MSH3: variants seen among roughly 807,000 people sequenced by gnomAD.
The protein encoded by MSH3 is DNA mismatch repair protein Msh3.
Under a neutral mutation model 123.3 loss-of-function variants are expected in MSH3, and 106 were observed. The ratio of observed to expected loss-of-function variants is 0.86; its 90% CI spans 0.73 to 1.01. The LOEUF (loss-of-function observed/expected upper bound fraction) is 1.01, where lower values mean the gene tolerates loss of function less well. Ranked by LOEUF, MSH3 falls within the 50% of genes least tolerant of loss-of-function variation. The probability of loss-of-function intolerance (pLI) is 0.00; values close to 1 mark genes in which losing one functional copy is unlikely to be tolerated. For missense variants in MSH3, 1,459 were observed against 1,347.6 expected (o/e 1.08, Z -1.29); for synonymous variants, 515 against 481.4 (o/e 1.07, Z -0.91).
Position 80,740,396 on chromosome 5 carries a change from C to T in MSH3, c.1569-1068C>T, listed in dbSNP as rs1377407679. 2.0e-5 allele frequency among the ~76,000 whole-genome samples: 3 copies of T among 147,630 alleles called. No individual in the cohort carries two copies. In the South Asian group the frequency reaches 6.3e-4, roughly 31 times the overall value. ...TTTTGGAGACGGAGTCACACTCTGT[C>T]ACCCGGGCTGGAGTGCAGTGGCACA... On this transcript the variant is annotated intron_variant, in intron 10 of 23. Coordinates refer to ENST00000265081, the MANE Select transcript of MSH3 (RefSeq NM_002439.5).
chr5:80,674,987 G>A lies in MSH3; in HGVS notation c.1032G>A (p.Val344=), dbSNP rs772505587. 6.3e-7 allele frequency: 1 copy of A among 1,599,808 alleles called. No homozygotes were observed. Among genetic ancestry groups the A allele is most frequent in the East Asian group, 2.2e-5 (1 of 44,634 alleles). The change falls in exon 7 of 24, where the codon GTG becomes GTA. Residue 344 remains valine, a synonymous_variant. Transcript: ENST00000265081. The part of the protein sequence containing the change: ...YTKSTLIGED[V]NPLIKLDDAV... ...TTTTTCTTTAATTATTATTAAATGT[G>A]AATCCCCTAATCAAGCTGGATGATG...
chr5:80,712,126 G>A (rs528811602), intron 8 of MSH3, among the ~76,000 whole-genome samples: 1 of 152,236 alleles, frequency 6.6e-6, no homozygotes, highest in African/African-American at 2.4e-5. Context: ...GCTGCCTCCT[G>A]GTGTTCCACA....
chr5:80,814,459 A>G (rs1745067021), intron 20 of MSH3, among the ~76,000 whole-genome samples: 1 of 136,856 alleles, frequency 7.3e-6, no homozygotes, highest in Admixed American at 7.6e-5. Context: ...TTTAGTAGAG[A>G]CAGGGTTTTG....
At chr5:80,696,551 G>C (rs919430173) in intron 8 of MSH3, among the ~76,000 whole-genome samples, 3 of 152,170 alleles carry the variant, frequency 2.0e-5, no homozygotes, top group African/African-American at 7.2e-5. Context: ...GCTACAAAAA[G>C]TAAACCTGGG....
intron 2 of MSH3, among the ~76,000 whole-genome samples, chr5:80,657,665 T>C (rs1382541): frequency 0.26 from 38,873 of 151,748 alleles, 5,143 homozygotes; most frequent in Middle Eastern, 0.33. Context: ...AAAAAAAAGT[T>C]CCAATTCAGA....
chr5:80,721,292 T>A (rs1248918511), intron 8 of MSH3, among the ~76,000 whole-genome samples: 1 of 152,184 alleles, frequency 6.6e-6, no homozygotes, highest in Non-Finnish European at 1.5e-5. Context: ...CCATTTTAGA[T>A]TCTGTTCATA....
intron 3 of MSH3, among the ~76,000 whole-genome samples, chr5:80,669,592 T>G (rs1304771090): frequency 6.6e-6 from 1 of 152,138 alleles, no homozygotes; most frequent in Non-Finnish European, 1.5e-5. Context: ...ATCATGGTTC[T>G]TTCTTTCTAT....
chr5:80,854,381 G>C, intron 21 of MSH3, 65 bp downstream of exon 21: 3 of 1,432,314 alleles, frequency 2.1e-6, no homozygotes, highest in Non-Finnish European at 2.9e-6. Context: ...TTAAATGACA[G>C]TCATAATTGT....
intron 8 of MSH3, among the ~76,000 whole-genome samples, chr5:80,701,481 T>C (rs1248705816): frequency 2.0e-5 from 3 of 152,240 alleles, no homozygotes; most frequent in African/African-American, 7.2e-5. Flanking sequence ...AGGTGTAACC[T>C]GACAGCAATG....
At chr5:80,704,854 C>A (rs1165762988) in intron 8 of MSH3, among the ~76,000 whole-genome samples, 1 of 152,138 alleles carries the variant, frequency 6.6e-6, no homozygotes. Flanking sequence ...GCCCTTGTCC[C>A]TCGCTTTGGG....
chr5:80,730,424 G>A (rs1329890683), intron 10 of MSH3, among the ~76,000 whole-genome samples: 1 of 152,168 alleles, frequency 6.6e-6, no homozygotes, highest in East Asian at 1.9e-4. Flanking sequence ...GGGAAGAAGG[G>A]AAAGTAGTAA....
chr5:80,676,471 A>G (rs1000922398), intron 7 of MSH3, among the ~76,000 whole-genome samples: 16 of 152,210 alleles, frequency 1.1e-4, no homozygotes, highest in African/African-American at 3.9e-4. Context: ...TAAGTTAAGC[A>G]CAAATGGAAC....
intron 10 of MSH3, among the ~76,000 whole-genome samples, chr5:80,739,513 A>G (rs1704779018): frequency 6.6e-6 from 1 of 152,216 alleles, no homozygotes; most frequent in Admixed American, 6.5e-5. Flanking sequence ...AGGTGGTACA[A>G]AATGATTGCC....
intron 8 of MSH3, among the ~76,000 whole-genome samples, chr5:80,711,180 G>C (rs2112845080): frequency 6.6e-6 from 1 of 152,262 alleles, no homozygotes; most frequent in African/African-American, 2.4e-5. Context: ...TTAGCCTTTT[G>C]AACAGCCCAG....
intron 21 of MSH3, chr5:80,855,910 G>C (rs1745911139): frequency 1.8e-5 from 2 of 112,288 alleles, no homozygotes; most frequent in African/African-American, 6.8e-5. Context: ...TTTTGAAATG[G>C]GTTCACTCTG....
chr5:80,842,048 G>A (rs1426877934), intron 20 of MSH3, among the ~76,000 whole-genome samples: 25 of 152,078 alleles, frequency 1.6e-4, no homozygotes, highest in African/African-American at 5.8e-4. Context: ...GGTCTTACAT[G>A]TAAGTATTTA....
intron 17 of MSH3, among the ~76,000 whole-genome samples, chr5:80,786,343 C>G (rs769639723): frequency 1.3e-5 from 2 of 152,126 alleles, no homozygotes; most frequent in Non-Finnish European, 2.9e-5. Flanking sequence ...CTCTGAACTT[C>G]ATTTGTAAAA....
At chr5:80,670,607 C>T (rs752604971) in intron 4 of MSH3, among the ~76,000 whole-genome samples, 36 of 151,932 alleles carry the variant, frequency 2.4e-4, no homozygotes, top group Non-Finnish European at 4.1e-4. Flanking sequence ...GTGAATAAAC[C>T]GTAATCATGT....
At chr5:80,824,530 G>C (rs751588808) in intron 20 of MSH3, among the ~76,000 whole-genome samples, 6 of 152,226 alleles carry the variant, frequency 3.9e-5, no homozygotes, top group Non-Finnish European at 5.9e-5. Flanking sequence ...TGATTTCAAA[G>C]TGAAGCCAAG....
Sources: gnomAD v4.1 joint callset for allele counts (sites outside exome capture counted in the v4.1 genomes callset) on GRCh38, gnomAD v4.1.1 for gene constraint, MANE v1.5 for transcripts, NCBI Gene and HGNC (gene_info 2026-07-23, HGNC 2026-07-21) for gene names.